TTC6: variants seen among roughly 807,000 people sequenced by gnomAD.
TTC6 encodes the protein tetratricopeptide repeat protein 6.
Under a neutral mutation model 210.4 loss-of-function variants are expected in TTC6, and 172 were observed. The observed-to-expected ratio is 0.82, with a 90% confidence interval of 0.72 to 0.93. TTC6 has a LOEUF of 0.93. TTC6 is among the 40% of genes least tolerant of loss of function. The probability of loss-of-function intolerance (pLI) is 0.00; values close to 1 mark genes in which losing one functional copy is unlikely to be tolerated. For missense variants in TTC6, 2,414 were observed against 2,318.1 expected (o/e 1.04, Z -0.85); for synonymous variants, 804 against 819.6 (o/e 0.98, Z 0.32).
At chr14:37,709,673 C>T (rs1161316756) in intron 5 of TTC6, among the ~76,000 whole-genome samples, 1 of 144,790 alleles carries the variant, frequency 6.9e-6, no homozygotes, top group Non-Finnish European at 1.5e-5. Flanking sequence ...ACAATTTTCC[C>T]CTTCCCAATC....
chr14:37,837,446 C>T (rs1344101222), intron 29 of TTC6: 5 of 454,230 alleles, frequency 1.1e-5, no homozygotes, highest in Non-Finnish European at 1.8e-5. Context: ...ATTCTGTCCC[C>T]CCTCCCCCCA....
intron 6 of TTC6, among the ~76,000 whole-genome samples, chr14:37,724,595 C>T (rs1157214847): frequency 6.6e-6 from 1 of 152,118 alleles, no homozygotes; most frequent in Non-Finnish European, 1.5e-5. Flanking sequence ...AATTTGCCTA[C>T]ACTATATAGC....
At chr14:37,796,115 C>T (rs955254756) in intron 18 of TTC6, among the ~76,000 whole-genome samples, 179 bp from the exon 21 acceptor site, 1 of 152,008 alleles carries the variant, frequency 6.6e-6, no homozygotes, top group Non-Finnish European at 1.5e-5. Context: ...CTCATCACAT[C>T]ACTATGCTAA....
At chr14:37,601,292 C>CA (rs1490769211) in intron 1 of TTC6, among the ~76,000 whole-genome samples, 6 of 152,174 alleles carry the variant, frequency 3.9e-5, no homozygotes, top group Non-Finnish European at 5.9e-5. Flanking sequence ...GTTTATTTTT[C>CA]ATTTTTTTTC....
At chr14:37,781,443 C>T (rs1477177874) in intron 14 of TTC6, among the ~76,000 whole-genome samples, 3 of 151,692 alleles carry the variant, frequency 2.0e-5, no homozygotes, top group African/African-American at 7.3e-5. Flanking sequence ...GAAAAGTGTT[C>T]ATATCCTTTG....
upstream of TTC6, among the ~76,000 whole-genome samples, chr14:37,620,980 T>G (rs2139292262): frequency 6.6e-6 from 1 of 152,354 alleles, no homozygotes; most frequent in East Asian, 1.9e-4. Context: ...ACTTTTCTGC[T>G]AAAAATTTTG....
At position 37,644,663 on chromosome 14, in the gene TTC6, T is replaced by C. The variant is rs1394738966; in HGVS notation, c.939+21660T>C. On this transcript the variant is annotated intron_variant, in intron 1 of 30. Transcript: ENST00000553443. ...GATACACCTTGTGTAGAGACTCTTA[T>C]GGCTCAAAGTGTTATTCACTCTTCC... is the stretch of plus-strand genomic sequence containing the variant. Among the ~76,000 whole-genome samples, 3 of 152,234 alleles carry C rather than the reference T, an allele frequency of 2.0e-5. No homozygotes were observed. The East Asian group carries it at 5.8e-4, about 29-fold the overall frequency.
intron 1 of TTC6, among the ~76,000 whole-genome samples, chr14:37,604,526 T>A (rs2095621596): frequency 6.6e-6 from 1 of 152,106 alleles, no homozygotes; most frequent in African/African-American, 2.4e-5. Context: ...CCTGAGAGTA[T>A]TGTCGGAGCC....
chr14:37,762,213 T>G (rs879661342), intron 14 of TTC6, among the ~76,000 whole-genome samples: 3 of 152,196 alleles, frequency 2.0e-5, no homozygotes, highest in Non-Finnish European at 4.4e-5. Flanking sequence ...ACATTTTCTT[T>G]GCTTATTCAT....
At chr14:37,729,226 A>T (rs2095879873) in intron 7 of TTC6, among the ~76,000 whole-genome samples, 1 of 152,134 alleles carries the variant, frequency 6.6e-6, no homozygotes, top group South Asian at 2.1e-4. Context: ...TTAAGAAAAT[A>T]CTTACATATT....
intron 14 of TTC6, among the ~76,000 whole-genome samples, chr14:37,771,562 CA>C (rs1250120744): frequency 4.6e-5 from 7 of 152,136 alleles, no homozygotes; most frequent in African/African-American, 1.7e-4. Flanking sequence ...TTTCTTCTTC[CA>C]TTGCTGATAC....
intron 1 of TTC6, among the ~76,000 whole-genome samples, chr14:37,670,474 C>CCTGTTTTTTT (rs532690678): frequency 8.2e-6 from 1 of 121,326 alleles, no homozygotes; most frequent in Non-Finnish European, 1.7e-5. Context: ...AACTACCTCA[C>CCTGTTTTTTT]TTTTTTTTTT....
At chr14:37,701,664 G>C in intron 5 of TTC6, 138 bp downstream of exon 7, 1 of 684,156 alleles carries the variant, frequency 1.5e-6, no homozygotes, top group African/African-American at 1.8e-5. Flanking sequence ...GTTTTTTTCT[G>C]CTGCTTCCTC....
At chr14:37,608,893 G>A (rs7150507) in intron 2 of TTC6, among the ~76,000 whole-genome samples, 5,248 of 152,114 alleles carry the variant, frequency 0.035, 330 homozygotes, top group African/African-American at 0.12. Context: ...GGACTGGTGG[G>A]TGGTGGTTGG....
At chr14:37,795,396 C>G in intron 18 of TTC6, 44 bp downstream of exon 20, 1 of 1,330,454 alleles carries the variant, frequency 7.5e-7, no homozygotes, top group Non-Finnish European at 1.0e-6. Context: ...AACTTAGCAT[C>G]AGAGAAATTG....
intron 26 of TTC6, among the ~76,000 whole-genome samples, chr14:37,819,701 T>G (rs1465123815): frequency 6.6e-6 from 1 of 152,224 alleles, no homozygotes; most frequent in African/African-American, 2.4e-5. Flanking sequence ...TCTTACATAT[T>G]GGGGCATAAA....
chr14:37,840,737 G>A (rs1452528604), intron 29 of TTC6, among the ~76,000 whole-genome samples: 1 of 152,092 alleles, frequency 6.6e-6, no homozygotes, highest in African/African-American at 2.4e-5. Flanking sequence ...CAGAACCAAT[G>A]ACAAAAACCA....
intron 2 of TTC6, among the ~76,000 whole-genome samples, chr14:37,617,021 C>T (rs774208141): frequency 6.6e-6 from 1 of 151,994 alleles, no homozygotes; most frequent in East Asian, 1.9e-4. Flanking sequence ...GAACCAGAGG[C>T]ATGTACCAAC....
intron 10 of TTC6, among the ~76,000 whole-genome samples, chr14:37,747,764 G>A (rs2095940446): frequency 6.6e-6 from 1 of 152,290 alleles, no homozygotes; most frequent in African/African-American, 2.4e-5. Context: ...AGGTGCAAAC[G>A]AAACATATCT....
Sources: allele counts gnomAD v4.1 joint callset (sites outside exome capture counted in the v4.1 genomes callset), GRCh38; gene constraint gnomAD v4.1.1; transcripts MANE v1.5; gene names NCBI Gene and HGNC (gene_info 2026-07-23, HGNC 2026-07-21).